The following RNF150 variants were observed in gnomAD, a reference collection of about 807,000 sequenced individuals.
RNF150 encodes the protein ring finger protein 150.
Under a neutral mutation model 39.3 loss-of-function variants are expected in RNF150, and 24 were observed. That is an observed-to-expected ratio of 0.61 (90% confidence interval 0.44 to 0.86). The LOEUF is 0.86. Ranked by LOEUF, RNF150 falls within the 40% of genes least tolerant of loss-of-function variation. RNF150 has a pLI of 0.00. For synonymous variants in RNF150, 255 were observed against 227.3 expected (o/e 1.12, Z -1.10); for missense variants, 502 against 587.8 (o/e 0.85, Z 1.51).
chr4:140,931,353 C>T (rs1731628824), intron 4 of RNF150, among the ~76,000 whole-genome samples: 1 of 152,068 alleles, frequency 6.6e-6, no homozygotes, highest in African/African-American at 2.4e-5. Context: ...GGCAGTCAGG[C>T]TTATTATTAA....
chr4:141,057,195 C>CA (rs1737012085), intron 1 of RNF150, among the ~76,000 whole-genome samples: 3 of 151,898 alleles, frequency 2.0e-5, no homozygotes, highest in Admixed American at 2.0e-4. Flanking sequence ...AAAACAGTGC[C>CA]TTGCATATGG....
At chr4:140,989,335 T>A (rs6813928) in intron 1 of RNF150, among the ~76,000 whole-genome samples, 12,095 of 152,086 alleles carry the variant, frequency 0.08, 567 homozygotes, top group Middle Eastern at 0.16. Context: ...GTACCGATGT[T>A]AAGCCGATCA....
At chr4:141,001,448 T>C (rs1339247198) in intron 1 of RNF150, among the ~76,000 whole-genome samples, 1 of 152,158 alleles carries the variant, frequency 6.6e-6, no homozygotes, top group Non-Finnish European at 1.5e-5. Flanking sequence ...GTGTTTTCTA[T>C]TTTTAATTAT....
chr4:140,951,694 A>G (rs1175077964), intron 2 of RNF150, among the ~76,000 whole-genome samples: 1 of 152,060 alleles, frequency 6.6e-6, no homozygotes, highest in African/African-American at 2.4e-5. Context: ...GTATCAACTG[A>G]CAGCTGCTCT....
At chr4:141,170,336 G>T (rs1276919520) in intron 1 of RNF150, among the ~76,000 whole-genome samples, 3 of 152,044 alleles carry the variant, frequency 2.0e-5, no homozygotes, top group Non-Finnish European at 4.4e-5. Flanking sequence ...TCTATGTCTT[G>T]GGGCACCTGT....
chr4:141,039,639 C>T (rs138218629), intron 1 of RNF150, among the ~76,000 whole-genome samples: 3 of 151,928 alleles, frequency 2.0e-5, no homozygotes, highest in Non-Finnish European at 2.9e-5. Context: ...GGTTGATTCC[C>T]TATTTTAAGA....
chr4:141,005,631 A>G (rs939479275), intron 1 of RNF150, among the ~76,000 whole-genome samples: 1 of 152,210 alleles, frequency 6.6e-6, no homozygotes, highest in Non-Finnish European at 1.5e-5. Flanking sequence ...AATTGCAGAT[A>G]AAACCTATGA....
At chr4:141,075,614 T>C (rs925369388) in intron 1 of RNF150, among the ~76,000 whole-genome samples, 33 of 152,268 alleles carry the variant, frequency 2.2e-4, no homozygotes, top group African/African-American at 7.7e-4. Context: ...TTATATTCAC[T>C]GCAGCTTCTG....
At chr4:140,957,090 A>G (rs573914367) in intron 2 of RNF150, among the ~76,000 whole-genome samples, 1 of 149,698 alleles carries the variant, frequency 6.7e-6, no homozygotes, top group East Asian at 2.0e-4. Flanking sequence ...CTGCACAGCA[A>G]AAGAAACTAC....
intron 1 of RNF150, among the ~76,000 whole-genome samples, chr4:141,141,742 A>G (rs537808497): frequency 2.6e-5 from 4 of 152,286 alleles, no homozygotes; most frequent in Admixed American, 2.6e-4. Flanking sequence ...TGGAGGTTAC[A>G]GGGAGGCAGA....
intron 1 of RNF150, among the ~76,000 whole-genome samples, chr4:141,008,294 T>C (rs953140950): frequency 6.6e-6 from 1 of 152,234 alleles, no homozygotes; most frequent in Non-Finnish European, 1.5e-5. Context: ...GCTTTCTTAC[T>C]AATTTGTATC....
chr4:141,084,070 A>G (rs1384504903), intron 1 of RNF150, among the ~76,000 whole-genome samples: 3 of 152,364 alleles, frequency 2.0e-5, no homozygotes, highest in African/African-American at 7.2e-5. Context: ...TGCATATTCA[A>G]ATAGAATACA....
intron 1 of RNF150, among the ~76,000 whole-genome samples, chr4:141,141,940 G>A (rs577690247): frequency 8.5e-5 from 13 of 152,232 alleles, no homozygotes; most frequent in South Asian, 2.1e-4. Flanking sequence ...ATTCTCTCTC[G>A]CATTCATATA....
At chr4:140,940,949 T>A (rs1732059807) in intron 4 of RNF150, among the ~76,000 whole-genome samples, 1 of 152,268 alleles carries the variant, frequency 6.6e-6, no homozygotes, top group Middle Eastern at 3.4e-3. Flanking sequence ...TTGAATTCTT[T>A]CCTGAGTGAA....
At chr4:141,180,958 G>T (rs182121393) in intron 1 of RNF150, among the ~76,000 whole-genome samples, 5 of 152,160 alleles carry the variant, frequency 3.3e-5, no homozygotes, top group Admixed American at 2.6e-4. Context: ...ATATTCAAGG[G>T]AATCATTATG....
intron 1 of RNF150, among the ~76,000 whole-genome samples, chr4:140,988,080 G>C (rs1734070723): frequency 6.6e-6 from 1 of 151,954 alleles, no homozygotes; most frequent in Admixed American, 6.6e-5. Context: ...CACAATGGCT[G>C]TGATTAAAAA....
chr4:140,988,636 C>G (rs977958212), intron 1 of RNF150, among the ~76,000 whole-genome samples: 3 of 151,388 alleles, frequency 2.0e-5, no homozygotes, highest in Admixed American at 6.6e-5. Context: ...TATCCCTCCC[C>G]CTTCCCCCCA....
At chr4:141,155,377 C>T (rs183689985) in intron 1 of RNF150, among the ~76,000 whole-genome samples, 67 of 151,526 alleles carry the variant, frequency 4.4e-4, no homozygotes, top group Non-Finnish European at 7.8e-4. Context: ...GGATTACAGG[C>T]GTGAGCCACT....
At chr4:140,956,919 G>C (rs1281715593) in intron 2 of RNF150, among the ~76,000 whole-genome samples, 1 of 151,312 alleles carries the variant, frequency 6.6e-6, no homozygotes, top group Non-Finnish European at 1.5e-5. Flanking sequence ...ATGGATTAAA[G>C]ACTTAAACAT....
Sources: allele counts gnomAD v4.1 joint callset (sites outside exome capture counted in the v4.1 genomes callset), GRCh38; gene constraint gnomAD v4.1.1; transcripts MANE v1.5; gene names NCBI Gene and HGNC (gene_info 2026-07-23, HGNC 2026-07-21).